PTPRD: variants seen among roughly 807,000 people sequenced by gnomAD.
PTPRD encodes protein tyrosine phosphatase receptor type D, also known as receptor-type tyrosine-protein phosphatase delta.
PTPRD carries 34 observed loss-of-function variants against 214.5 expected under a neutral mutation model. The ratio of observed to expected loss-of-function variants is 0.16; its 90% confidence interval spans 0.12 to 0.21. The LOEUF (loss-of-function observed/expected upper bound fraction) is 0.21, where lower values mean the gene tolerates loss of function less well. Among genes scored for constraint, PTPRD ranks in the 10% least tolerant of loss-of-function variants. The pLI is 1.00. For synonymous variants in PTPRD, 1,128 were observed against 845.7 expected, an observed-to-expected ratio of 1.33 and a Z score of -5.79; for missense variants, 2,545 against 2,398.7, an observed-to-expected ratio of 1.06 and a Z score of -1.27.
chr9:8,693,408 A>C (rs976055919), intron 12 of PTPRD, among the ~76,000 whole-genome samples: 8 of 152,210 alleles, frequency 5.3e-5, no homozygotes, highest in Non-Finnish European at 1.0e-4. Flanking sequence ...ATCAGAGAAA[A>C]CATGGAAAGA....
rs375950278 is a variant in PTPRD at position 10,251,617 on chromosome 9, C to A, written c.-545+89346G>T. ...GTATAATAAATCACACAGAACATCA[C>A]AGAGCACATGGCAACCACCCAATAA... is the stretch of plus-strand genomic sequence containing the variant. On this transcript the variant is annotated intron_variant, in intron 3 of 45. Coordinates refer to ENST00000381196, the MANE Select transcript of PTPRD (RefSeq NM_002839.4). Among the ~76,000 whole-genome samples, 137 of 152,236 alleles carry A rather than the reference C, an allele frequency of 9.0e-4. 1 individual carries two copies. In the South Asian group the frequency reaches 0.027, roughly 29 times the overall value.
At chr9:9,479,906 T>C (rs1285695481) in intron 8 of PTPRD, among the ~76,000 whole-genome samples, 1 of 152,158 alleles carries the variant, frequency 6.6e-6, no homozygotes, top group African/African-American at 2.4e-5. Context: ...TGAATGGTTA[T>C]TTGGTATATA....
At chr9:10,382,474 C>T (rs888532678) in intron 2 of PTPRD, among the ~76,000 whole-genome samples, 1 of 151,776 alleles carries the variant, frequency 6.6e-6, no homozygotes, top group Non-Finnish European at 1.5e-5. Context: ...AACATTACCT[C>T]GTCTATGAAG....
chr9:10,329,405 A>T (rs2096708266), intron 3 of PTPRD, among the ~76,000 whole-genome samples: 1 of 151,828 alleles, frequency 6.6e-6, no homozygotes, highest in Non-Finnish European at 1.5e-5. Context: ...ATACTATTTT[A>T]AAATAAAATT....
chr9:8,454,985 T>C (rs902580989), intron 33 of PTPRD, among the ~76,000 whole-genome samples: 8 of 152,216 alleles, frequency 5.3e-5, no homozygotes, highest in Admixed American at 5.2e-4. Flanking sequence ...TCAATGGGAA[T>C]ACAGCATCAT....
chr9:9,446,132 T>A (rs1569568398), intron 8 of PTPRD, among the ~76,000 whole-genome samples: 1 of 152,100 alleles, frequency 6.6e-6, no homozygotes, highest in Non-Finnish European at 1.5e-5. Context: ...ACGTGGCACC[T>A]CCAAGATGAT....
At chr9:9,388,592 A>T (rs941434231) in intron 9 of PTPRD, among the ~76,000 whole-genome samples, 2 of 152,180 alleles carry the variant, frequency 1.3e-5, no homozygotes, top group Non-Finnish European at 2.9e-5. Flanking sequence ...CTAAGGCTTC[A>T]TTCAATCACA....
At position 8,343,241 on chromosome 9, in the gene PTPRD, C is replaced by G. The variant is rs557159091; in HGVS notation, c.4662-1263G>C. On this transcript the variant is annotated intron_variant, in intron 39 of 45. Coordinates refer to ENST00000381196, the MANE Select transcript of PTPRD (RefSeq NM_002839.4). ...ATACAGGAGCTCTGTGGTTTACAGA[C>G]TGGGCTAACTAGCTGGGAATTTGAT... 2.6e-5 allele frequency among the ~76,000 whole-genome samples: 4 copies of G among 152,140 alleles called. No homozygotes were observed. The East Asian group carries it at 7.7e-4, about 29-fold the overall frequency.
At chr9:9,272,995 T>C (rs1346633545) in intron 9 of PTPRD, among the ~76,000 whole-genome samples, 1 of 151,336 alleles carries the variant, frequency 6.6e-6, no homozygotes, top group Non-Finnish European at 1.5e-5. Context: ...TGAAGCTGTC[T>C]TTGTGATTTC....
At chr9:10,225,809 A>C (rs1295679618) in intron 3 of PTPRD, among the ~76,000 whole-genome samples, 1 of 152,118 alleles carries the variant, frequency 6.6e-6, no homozygotes, top group Non-Finnish European at 1.5e-5. Flanking sequence ...CATGGTTCTC[A>C]ATGAGAATGT....
chr9:10,465,851 C>G (rs966329135), intron 2 of PTPRD, among the ~76,000 whole-genome samples: 3 of 152,178 alleles, frequency 2.0e-5, no homozygotes, highest in Non-Finnish European at 2.9e-5. Flanking sequence ...CATTGTTAAG[C>G]AGCGCATGAC....
chr9:10,258,409 A>G (rs1564836059), intron 3 of PTPRD, among the ~76,000 whole-genome samples: 1 of 152,156 alleles, frequency 6.6e-6, no homozygotes, highest in Non-Finnish European at 1.5e-5. Context: ...GAACAGAGGA[A>G]CATAGGCTTA....
chr9:9,331,380 T>C (rs1190489796), intron 9 of PTPRD, among the ~76,000 whole-genome samples: 1 of 152,120 alleles, frequency 6.6e-6, no homozygotes, highest in Non-Finnish European at 1.5e-5. Context: ...TTTCTCGGGA[T>C]AATTCATAGG....
intron 9 of PTPRD, among the ~76,000 whole-genome samples, chr9:9,326,525 A>G (rs2039974262): frequency 6.6e-6 from 1 of 152,130 alleles, no homozygotes; most frequent in Non-Finnish European, 1.5e-5. Flanking sequence ...TAATAATTAT[A>G]ATTAGAAAAC....
At chr9:8,607,360 T>A (rs111701984) in intron 14 of PTPRD, among the ~76,000 whole-genome samples, 86 of 152,230 alleles carry the variant, frequency 5.6e-4, no homozygotes, top group African/African-American at 2.0e-3. Context: ...TAAGTAGGAA[T>A]AGGGCCGGGT....
chr9:9,760,657 T>TAG (rs745325188), intron 6 of PTPRD, among the ~76,000 whole-genome samples: 17,591 of 144,902 alleles, frequency 0.12, 1,872 homozygotes, highest in African/African-American at 0.28. Context: ...CACACACATA[T>TAG]ATATATATAT....
At chr9:9,765,495 G>C (rs1226090368) in intron 6 of PTPRD, among the ~76,000 whole-genome samples, 2 of 152,142 alleles carry the variant, frequency 1.3e-5, no homozygotes, top group Non-Finnish European at 2.9e-5. Context: ...GACTCATCAA[G>C]TCATGTGTGG....
At chr9:10,509,557 T>TTATATTTA (rs1246261539) in intron 2 of PTPRD, among the ~76,000 whole-genome samples, 10 of 106,690 alleles carry the variant, frequency 9.4e-5, no homozygotes, top group African/African-American at 2.0e-4. Flanking sequence ...TTAATAAATA[T>TTATATTTA]TATATATATA....
chr9:8,684,101 C>G (rs1249601583), intron 12 of PTPRD, among the ~76,000 whole-genome samples: 8 of 152,152 alleles, frequency 5.3e-5, no homozygotes, highest in Non-Finnish European at 5.9e-5. Context: ...AAAGTCATCT[C>G]TGCTGCGCCC....
Sources: allele counts gnomAD v4.1 joint callset (sites outside exome capture counted in the v4.1 genomes callset), GRCh38; gene constraint gnomAD v4.1.1; transcripts MANE v1.5; gene names NCBI Gene and HGNC (gene_info 2026-07-23, HGNC 2026-07-21).